The following INSR variants were observed in gnomAD, a reference collection of about 807,000 sequenced individuals.
INSR encodes insulin receptor, also known as IR.
INSR carries 67 observed loss-of-function variants against 142.6 expected under a neutral mutation model. The ratio of observed to expected loss-of-function variants is 0.47; its 90% CI spans 0.39 to 0.58. The LOEUF (loss-of-function observed/expected upper bound fraction) is 0.58, where lower values mean the gene tolerates loss of function less well. Among genes scored for constraint, INSR ranks in the 20% least tolerant of loss-of-function variants. The pLI, the probability that INSR is intolerant of heterozygous loss-of-function variation, is 0.00. For synonymous variants in INSR, 756 were observed against 743.1 expected (o/e 1.02, Z -0.28); for missense variants, 1,248 against 1,833.2 (o/e 0.68, Z 5.83).
intron 13 of INSR, 125 bp from the exon 14 acceptor site, chr19:7,132,442 A>G (rs1182586547): frequency 9.7e-7 from 1 of 1,030,766 alleles, no homozygotes; most frequent in African/African-American, 1.6e-5. Context: ...CAAAGCACAG[A>G]CTAAGACACA....
chr19:7,120,219 G>A (rs986483860), intron 20 of INSR, among the ~76,000 whole-genome samples: 5 of 152,124 alleles, frequency 3.3e-5, no homozygotes, highest in Non-Finnish European at 1.5e-5. Flanking sequence ...TCCCCACTTC[G>A]AGTTGTCTCG....
chr19:7,224,419 C>T (rs914565776), intron 2 of INSR, among the ~76,000 whole-genome samples: 1 of 151,996 alleles, frequency 6.6e-6, no homozygotes, highest in Non-Finnish European at 1.5e-5. Flanking sequence ...AGGCGTGCAG[C>T]GAAGTAAACA....
chr19:7,118,318 G>A (rs1385729150), intron 21 of INSR, among the ~76,000 whole-genome samples: 1 of 151,700 alleles, frequency 6.6e-6, no homozygotes, highest in Non-Finnish European at 1.5e-5. Context: ...AAATTTTTGT[G>A]TGTCTGTGTT....
chr19:7,217,209 G>A (rs1465273371), intron 2 of INSR, among the ~76,000 whole-genome samples: 2 of 152,196 alleles, frequency 1.3e-5, no homozygotes, highest in East Asian at 3.9e-4. Flanking sequence ...ACAAAGGTTG[G>A]TTCCTTCTGG....
intron 2 of INSR, among the ~76,000 whole-genome samples, chr19:7,206,936 C>G (rs903053792): frequency 6.6e-6 from 1 of 152,134 alleles, no homozygotes; most frequent in African/African-American, 2.4e-5. Flanking sequence ...TAACAGAACA[C>G]TCAAGTCTAA....
rs1972325132 is a variant in INSR at position 7,116,409 on chromosome 19, C to T, written c.*647G>A. ...ACACACATCAGCCGTGTCTAATGGA[C>T]ACACACACGTGCATACACACGTGAG... On this transcript the variant is annotated 3_prime_UTR_variant, in exon 22 of 22. Coordinates refer to ENST00000302850, the MANE Select transcript of INSR (RefSeq NM_000208.4). 2.0e-5 allele frequency: 3 copies of T among 152,280 alleles called. No individual in the cohort carries two copies. Among genetic ancestry groups the T allele is most frequent in the Admixed American group, 1.3e-4 (2 of 15,232 alleles). 9.4% of individuals were successfully genotyped at this position (152,280 alleles called of 1,614,324 possible).
In INSR at chr19:7,153,588, C is replaced by T. The variant is rs117534458; in HGVS notation, c.2030-661G>A. 2.0e-5 allele frequency among the ~76,000 whole-genome samples: 3 copies of T among 151,980 alleles called. No homozygotes were observed. The East Asian group carries it at 5.8e-4, about 29-fold the overall frequency. ...TGGAAAAAAGCCAGACACTATGGTT[C>T]ACGCCTGTGGTCCCAGCTACTTGGG... On this transcript the variant is annotated intron_variant, in intron 9 of 21. Transcript: ENST00000302850.
chr19:7,272,651 GAAACAA>G (rs1411969379), intron 1 of INSR, among the ~76,000 whole-genome samples: 1 of 151,856 alleles, frequency 6.6e-6, no homozygotes, highest in Admixed American at 6.6e-5. Flanking sequence ...AAAACCCCAC[GAAACAA>G]AAACAAAAAC....
intron 2 of INSR, among the ~76,000 whole-genome samples, chr19:7,239,723 T>G (rs1469388742): frequency 6.6e-6 from 1 of 151,980 alleles, no homozygotes; most frequent in Admixed American, 6.6e-5. Context: ...AGCTGGTGAG[T>G]AGCATGTGGC....
Position 7,113,190 on chromosome 19 carries a change from C to G in INSR, c.*3866G>C, listed in dbSNP as rs1388115047. On this transcript the variant is annotated 3_prime_UTR_variant, in exon 22 of 22. Coordinates refer to ENST00000302850, the MANE Select transcript of INSR (RefSeq NM_000208.4). ...GTCATATGCTGATGACGCTCCTGCT[C>G]TTTCACACGTGTTACAGCAGACTAC... is the stretch of plus-strand genomic sequence containing the variant. 6.6e-6 allele frequency: 1 copy of G among 152,138 alleles called. No individual in the cohort carries two copies. Among genetic ancestry groups the G allele is most frequent in the Non-Finnish European group, 1.5e-5 (1 of 68,048 alleles). The allele number at this position is 152,138 out of a possible 1,614,324, so 9.4% of individuals were successfully genotyped here. A position where few individuals can be genotyped will look rare whatever the true frequency, so the allele number is the denominator to read the frequency against.
At chr19:7,242,805 G>T (rs913290112) in intron 2 of INSR, among the ~76,000 whole-genome samples, 1 of 147,418 alleles carries the variant, frequency 6.8e-6, no homozygotes, top group African/African-American at 2.5e-5. Context: ...AAAAATATTT[G>T]CATGTTGTGT....
At chr19:7,199,750 C>A (rs935847275) in intron 2 of INSR, among the ~76,000 whole-genome samples, 1 of 151,860 alleles carries the variant, frequency 6.6e-6, no homozygotes, top group African/African-American at 2.4e-5. Flanking sequence ...TACCTCGACC[C>A]ACCCAGATCT....
At position 7,150,990 on chromosome 19, in the gene INSR, T is replaced by C. The variant is rs1380499621; in HGVS notation, c.2232-458A>G. Among the ~76,000 whole-genome samples, 1 of 151,220 alleles carries C rather than the reference T, an allele frequency of 6.6e-6. No homozygotes were observed. Among genetic ancestry groups the C allele is most frequent in the Non-Finnish European group, 1.5e-5 (1 of 67,774 alleles). On this transcript the variant is annotated intron_variant, in intron 10 of 21. Transcript: ENST00000302850. This position sits in a 1 kb window ranked among gnomAD's most constrained non-coding sequence, Gnocchi z 4.2. ...CTCTTTTACTTTCTTTCTCTCTTTT[T>C]CCCTCTTTCCTTCCTTCATTTGCTT...
At chr19:7,273,395 G>T (rs10408111) in intron 1 of INSR, among the ~76,000 whole-genome samples, 4,917 of 152,170 alleles carry the variant, frequency 0.032, 293 homozygotes, top group African/African-American at 0.11. Flanking sequence ...TCTCTGAGTG[G>T]GCGTGAAGGA....
chr19:7,161,213 A>G (rs1973740099), intron 9 of INSR, among the ~76,000 whole-genome samples: 3 of 150,206 alleles, frequency 2.0e-5, no homozygotes, highest in African/African-American at 7.3e-5. Flanking sequence ...AAATGATTGC[A>G]CAACATTGTG....
At position 7,117,035 on chromosome 19, in the gene INSR, C is replaced by A. The variant is rs201450420; in HGVS notation, c.*21G>T. 4.4e-6 allele frequency: 7 copies of A among 1,599,288 alleles called. No homozygotes were observed. The East Asian group carries it at 1.1e-4, about 25-fold the overall frequency. ...AAGCGAAAATGGGAACCCCTGCCCG[C>A]CCCCGCCACGGTAGGCACTGTTAGG... On this transcript the variant is annotated 3_prime_UTR_variant, in exon 22 of 22. Transcript: ENST00000302850.
chr19:7,233,518 A>C (rs1189908895), intron 2 of INSR, among the ~76,000 whole-genome samples: 1 of 151,920 alleles, frequency 6.6e-6, no homozygotes, highest in African/African-American at 2.4e-5. Flanking sequence ...AGTGCTGGGA[A>C]CCACCCTATC....
rs72149315 is a variant in INSR, at chr19:7,114,047, C to CAAAAAAA, written c.*3002_*3008dup. 1.5e-5 allele frequency: 1 copy of CAAAAAAA among 65,480 alleles called. No individual in the cohort carries two copies. The highest frequency in any genetic ancestry group is 2.8e-5 in the Non-Finnish European group (1 of 36,322). The allele number at this position is 65,480 out of a possible 1,614,324, so 4.1% of individuals were successfully genotyped here. On this transcript the variant is annotated 3_prime_UTR_variant, in exon 22 of 22. Coordinates refer to ENST00000302850, the MANE Select transcript of INSR (RefSeq NM_000208.4). Reference sequence around the variant, plus strand: ...AACACAGAGGTCCAAGGTGTTGTTGCAAAAAAAAAAAAAAAAAAAAAAAAA... The same window carrying CAAAAAAA: ...AACACAGAGGTCCAAGGTGTTGTTGCAAAAAAAAAAAAAAAAAAAAAAAAAAAAAAAA...
At chr19:7,205,550 C>A (rs912987393) in intron 2 of INSR, among the ~76,000 whole-genome samples, 1 of 152,092 alleles carries the variant, frequency 6.6e-6, no homozygotes, top group East Asian at 1.9e-4. Context: ...GTAGGAGGAG[C>A]GTGGAGAAAT....
Sources: allele counts gnomAD v4.1 joint callset (sites outside exome capture counted in the v4.1 genomes callset), GRCh38; gene constraint gnomAD v4.1.1; non-coding constraint Gnocchi (gnomAD v3.1); transcripts MANE v1.5; gene names NCBI Gene and HGNC (gene_info 2026-07-23, HGNC 2026-07-21).